The following CACNA2D3 variants were observed in gnomAD, a reference collection of about 807,000 sequenced individuals.
The protein encoded by CACNA2D3 is calcium voltage-gated channel auxiliary subunit alpha2delta 3, also known as voltage-dependent calcium channel subunit alpha-2/delta-3.
Under a neutral mutation model 160.6 loss-of-function variants are expected in CACNA2D3, and 60 were observed. That is an observed-to-expected ratio of 0.37 (90% CI 0.30 to 0.46). The LOEUF is 0.46. Among genes scored for constraint, CACNA2D3 ranks in the 20% least tolerant of loss-of-function variants. CACNA2D3 has a pLI of 1.00. For synonymous variants in CACNA2D3, 558 were observed against 492.9 expected, an observed-to-expected ratio of 1.13 and a Z score of -1.75; for missense variants, 1,205 against 1,365.0, an observed-to-expected ratio of 0.88 and a Z score of 1.85.
intron 27 of CACNA2D3, among the ~76,000 whole-genome samples, chr3:54,944,396 G>GTATTTATTTATT (rs542683931): frequency 3.7e-4 from 55 of 148,634 alleles, no homozygotes; most frequent in Middle Eastern, 3.5e-3. Context: ...ATTTCCCAGG[G>GTATTTATTTATT]TATTTATTTA....
At chr3:54,480,778 G>C (rs2106899006) in intron 4 of CACNA2D3, among the ~76,000 whole-genome samples, 1 of 152,260 alleles carries the variant, frequency 6.6e-6, no homozygotes, top group East Asian at 1.9e-4. Flanking sequence ...TGCCTGGAAA[G>C]CCTGGGAAGA....
chr3:54,716,846 A>C (rs2106975673), intron 11 of CACNA2D3, among the ~76,000 whole-genome samples: 1 of 152,168 alleles, frequency 6.6e-6, no homozygotes, highest in South Asian at 2.1e-4. Context: ...TTATTTTTTA[A>C]AAGACTTTAT....
chr3:54,391,825 T>G (rs187848801), intron 4 of CACNA2D3, among the ~76,000 whole-genome samples: 1 of 152,132 alleles, frequency 6.6e-6, no homozygotes, highest in Non-Finnish European at 1.5e-5. Context: ...AGGGTAACTT[T>G]CTTGTGGACA....
At chr3:54,321,922 CAAAAAAA>C (rs1214395409) in intron 3 of CACNA2D3, among the ~76,000 whole-genome samples, 5 of 100,688 alleles carry the variant, frequency 5.0e-5, no homozygotes, top group East Asian at 5.7e-4. Context: ...GAAATCCTTG[CAAAAAAA>C]AAAAAAAAAA....
At chr3:55,053,671 G>A (rs1226838272) in intron 35 of CACNA2D3, among the ~76,000 whole-genome samples, 1 of 151,878 alleles carries the variant, frequency 6.6e-6, no homozygotes, top group Non-Finnish European at 1.5e-5. Flanking sequence ...ATCATTTCTA[G>A]TAGTTTTTGG....
intron 2 of CACNA2D3, among the ~76,000 whole-genome samples, chr3:54,249,774 T>C (rs1312046413): frequency 6.6e-6 from 1 of 152,106 alleles, no homozygotes; most frequent in East Asian, 1.9e-4. Context: ...GTTTTTTTTT[T>C]TTTTATGTGA....
intron 27 of CACNA2D3, among the ~76,000 whole-genome samples, chr3:54,968,248 T>G (rs1002934217): frequency 2.0e-5 from 3 of 152,318 alleles, no homozygotes; most frequent in Admixed American, 1.3e-4. Context: ...CTGTTTGTTT[T>G]GTATCGAGAG....
chr3:54,484,385 A>T (rs79628362), intron 4 of CACNA2D3, among the ~76,000 whole-genome samples: 3,102 of 152,272 alleles, frequency 0.02, 83 homozygotes, highest in East Asian at 0.11. Flanking sequence ...TTGTTGAGTT[A>T]TCACCTTTTT....
chr3:54,431,918 C>T (rs561355708), intron 4 of CACNA2D3, among the ~76,000 whole-genome samples: 1 of 152,164 alleles, frequency 6.6e-6, no homozygotes, highest in South Asian at 2.1e-4. Flanking sequence ...GACTTTATAG[C>T]TATATTAAAA....
At chr3:54,747,251 A>G (rs1424354687) in intron 11 of CACNA2D3, among the ~76,000 whole-genome samples, 1 of 152,068 alleles carries the variant, frequency 6.6e-6, no homozygotes, top group African/African-American at 2.4e-5. Context: ...GGTGGGTGCT[A>G]TGACTCCACC....
At chr3:54,937,401 G>T (rs138825273) in intron 27 of CACNA2D3, among the ~76,000 whole-genome samples, 1 of 152,162 alleles carries the variant, frequency 6.6e-6, no homozygotes, top group Non-Finnish European at 1.5e-5. Context: ...CCAGCAATCT[G>T]TGCTTGCACC....
intron 2 of CACNA2D3, among the ~76,000 whole-genome samples, chr3:54,142,897 G>A (rs558423514): frequency 1.3e-5 from 2 of 152,208 alleles, no homozygotes; most frequent in East Asian, 1.9e-4. Context: ...CTGCATTTGT[G>A]GAGTTGTATC....
intron 11 of CACNA2D3, among the ~76,000 whole-genome samples, chr3:54,704,453 C>CT (rs35317675): frequency 0.018 from 2,525 of 141,018 alleles, 43 homozygotes; most frequent in Middle Eastern, 0.047. Context: ...ATTTTTCCCT[C>CT]TTTTTTTTAA....
intron 2 of CACNA2D3, among the ~76,000 whole-genome samples, chr3:54,191,164 C>T (rs538921473): frequency 6.6e-5 from 10 of 152,050 alleles, no homozygotes; most frequent in South Asian, 2.1e-4. Context: ...ATTCCTGCTC[C>T]GGGGAAATGG....
chr3:54,763,810 TAC>T (rs1224439029), intron 12 of CACNA2D3, among the ~76,000 whole-genome samples: 2 of 15,108 alleles, frequency 1.3e-4, no homozygotes, highest in African/African-American at 5.7e-4. Context: ...TACATATATA[TAC>T]ATATATATAT....
At position 55,074,137 on chromosome 3, in the gene CACNA2D3, T is replaced by C. The variant is rs752257607; in HGVS notation, c.3207T>C (p.Gly1069=). Residue 1069 remains glycine, a synonymous_variant, in exon 38 of 38, where the codon GGT becomes GGC. Coordinates refer to ENST00000474759, the MANE Select transcript of CACNA2D3 (RefSeq NM_018398.3). ...AGGAGAATGCAAGGGAGTGTGGGGG[T>C]GCGCCGAGTCTCCAAGCCCAGACAG... is the stretch of plus-strand genomic sequence containing the variant. ...HPEENARECG[G]APSLQAQTVL... is the part of the protein sequence containing the mutation. The C allele has an allele frequency of 1.6e-5, 26 of 1,613,554 alleles. No individual in the cohort carries two copies.
intron 11 of CACNA2D3, among the ~76,000 whole-genome samples, chr3:54,669,758 T>A (rs757881143): frequency 6.6e-6 from 1 of 152,138 alleles, no homozygotes; most frequent in Non-Finnish European, 1.5e-5. Flanking sequence ...AACTTTTAAT[T>A]TTATTTTTAA....
chr3:54,996,937 C>T (rs1248853794), intron 31 of CACNA2D3, among the ~76,000 whole-genome samples: 2 of 152,158 alleles, frequency 1.3e-5, no homozygotes, highest in East Asian at 1.9e-4. Context: ...AAACCAAACA[C>T]CACGTGTTCT....
chr3:54,290,923 G>A lies in CACNA2D3; in HGVS notation c.205-29519G>A, dbSNP rs1009136541. On this transcript the variant is annotated intron_variant, in intron 2 of 37. Transcript: ENST00000474759. ...GGGGCCTGTTGTGGGGTAGCGGGGG[G>A]TGAGGGATAGCATTAGGAGATATAC... is the stretch of plus-strand genomic sequence containing the variant. Among the ~76,000 whole-genome samples the A allele has an allele frequency of 6.6e-5, 10 of 152,148 alleles. No individual in the cohort carries two copies. The South Asian group carries it at 2.1e-3, about 32-fold the overall frequency.
Sources: allele counts gnomAD v4.1 joint callset (sites outside exome capture counted in the v4.1 genomes callset), GRCh38; gene constraint gnomAD v4.1.1; transcripts MANE v1.5; gene names NCBI Gene and HGNC (gene_info 2026-07-23, HGNC 2026-07-21).